SMC6: variants seen among roughly 807,000 people sequenced by gnomAD.
SMC6 encodes the protein structural maintenance of chromosomes protein 6.
A neutral mutation model predicts 142.2 loss-of-function variants in SMC6; 79 were observed. The observed-to-expected ratio is 0.56, with a 90% confidence interval of 0.46 to 0.67. SMC6 has a LOEUF of 0.67. Among genes scored for constraint, SMC6 ranks in the 30% least tolerant of loss-of-function variants. SMC6 has a pLI of 0.00. For synonymous variants in SMC6, 411 were observed against 412.4 expected (o/e 1.00, Z 0.04); for missense variants, 1,072 against 1,284.0 (o/e 0.83, Z 2.52).
intron 13 of SMC6, 83 bp downstream of exon 13, chr2:17,717,005 C>T (rs1669121012): frequency 6.6e-7 from 1 of 1,519,398 alleles, no homozygotes; most frequent in South Asian, 1.2e-5. Context: ...AACAACAATA[C>T]ATAAAATATA....
intron 8 of SMC6, among the ~76,000 whole-genome samples, chr2:17,725,940 T>C (rs1669593770): frequency 6.6e-6 from 1 of 151,676 alleles, no homozygotes. Flanking sequence ...ATACAAAAAT[T>C]AGCTAGACAT....
intron 16 of SMC6, among the ~76,000 whole-genome samples, chr2:17,713,981 A>G (rs921007110): frequency 1.3e-5 from 2 of 152,226 alleles, no homozygotes; most frequent in African/African-American, 2.4e-5. Context: ...GAGACATAGC[A>G]CTAGACTTAA....
intron 11 of SMC6, among the ~76,000 whole-genome samples, chr2:17,719,117 C>G (rs964489731): frequency 2.6e-5 from 4 of 152,166 alleles, no homozygotes; most frequent in South Asian, 2.1e-4. Flanking sequence ...ACACTTCAGG[C>G]TTTGTGGGCC....
intron 24 of SMC6, chr2:17,680,797 C>T (rs1040922663): frequency 3.3e-5 from 5 of 152,142 alleles, no homozygotes; most frequent in Admixed American, 6.5e-5. Context: ...TTGTAGAGCA[C>T]ATACAAAGTA....
At chr2:17,691,796 T>C (rs879986370) in intron 23 of SMC6, among the ~76,000 whole-genome samples, 1 of 152,156 alleles carries the variant, frequency 6.6e-6, no homozygotes, top group African/African-American at 2.4e-5. Flanking sequence ...GATGACATGA[T>C]TGTATATCTA....
intron 19 of SMC6, 116 bp downstream of exon 19, chr2:17,703,041 G>C: frequency 1.6e-6 from 1 of 608,670 alleles, no homozygotes; most frequent in Non-Finnish European, 2.7e-6. Context: ...AGTGTAAAGG[G>C]GCTTGAGGCC....
intron 23 of SMC6, among the ~76,000 whole-genome samples, chr2:17,690,684 T>C (rs1475799706): frequency 6.6e-6 from 1 of 152,038 alleles, no homozygotes; most frequent in African/African-American, 2.4e-5. Flanking sequence ...ATCTGCATAA[T>C]GTACCGAATA....
Position 17,665,438 on chromosome 2 carries a change from C to T in SMC6, c.*61G>A. On this transcript the variant is annotated 3_prime_UTR_variant, in exon 28 of 28. Transcript: ENST00000448223. Reference sequence around the variant, plus strand: ...TCTCATTTTATTATATCAAAGAGTCCAGAATTTTTTTTCCCTTCACAAATC... The same window carrying T: ...TCTCATTTTATTATATCAAAGAGTCTAGAATTTTTTTTCCCTTCACAAATC... 8.9e-7 allele frequency: 1 copy of T among 1,129,240 alleles called. No individual in the cohort carries two copies. 70.0% of individuals were successfully genotyped at this position (1,129,240 alleles called of 1,614,324 possible).
At chr2:17,684,421 G>A (rs991993778) in intron 23 of SMC6, among the ~76,000 whole-genome samples, 5 of 152,176 alleles carry the variant, frequency 3.3e-5, no homozygotes, top group Non-Finnish European at 5.9e-5. Context: ...AGATATTTAT[G>A]GGGAAAATAT....
chr2:17,723,062 C>T (rs1185530341), intron 9 of SMC6, among the ~76,000 whole-genome samples: 1 of 151,244 alleles, frequency 6.6e-6, no homozygotes, highest in African/African-American at 2.4e-5. Flanking sequence ...CCCAAACTTC[C>T]TATCTCAATA....
intron 20 of SMC6, among the ~76,000 whole-genome samples, chr2:17,700,883 G>A (rs1558345047): frequency 6.6e-6 from 1 of 151,804 alleles, no homozygotes; most frequent in South Asian, 2.1e-4. Flanking sequence ...TAAAAAATTA[G>A]CCGGGTGTGG....
chr2:17,739,278 A>G (rs6531051), intron 4 of SMC6, among the ~76,000 whole-genome samples: 80,638 of 151,686 alleles, frequency 0.53, 23,753 homozygotes, highest in African/African-American at 0.77. Flanking sequence ...GGAGGCTGAG[A>G]TGGGAGGCTC....
intron 21 of SMC6, among the ~76,000 whole-genome samples, chr2:17,698,234 T>A (rs764715457): frequency 6.6e-6 from 1 of 152,030 alleles, no homozygotes; most frequent in African/African-American, 2.4e-5. Flanking sequence ...TCTGAATACA[T>A]GAAAAATCAT....
chr2:17,692,985 G>A (rs1280368194), intron 23 of SMC6, among the ~76,000 whole-genome samples: 2 of 152,198 alleles, frequency 1.3e-5, no homozygotes, highest in Non-Finnish European at 2.9e-5. Flanking sequence ...TCAGAGAAAT[G>A]CAAATCAAAA....
intron 18 of SMC6, among the ~76,000 whole-genome samples, chr2:17,704,203 G>T (rs1450174193): frequency 6.6e-6 from 1 of 152,042 alleles, no homozygotes; most frequent in Non-Finnish European, 1.5e-5. Context: ...TCTGGGAGAA[G>T]AGATAACTGA....
chr2:17,675,628 A>G (rs1666962738), intron 25 of SMC6, among the ~76,000 whole-genome samples: 1 of 152,088 alleles, frequency 6.6e-6, no homozygotes, highest in South Asian at 2.1e-4. Flanking sequence ...ATTGAATTCT[A>G]GATATCAGTT....
chr2:17,717,578 G>A (rs1669159955), intron 12 of SMC6, among the ~76,000 whole-genome samples: 1 of 152,180 alleles, frequency 6.6e-6, no homozygotes. Flanking sequence ...GACTGAGGCA[G>A]GAAAATCGCT....
At chr2:17,729,584 C>G (rs943214311) in intron 7 of SMC6, among the ~76,000 whole-genome samples, 7 of 152,338 alleles carry the variant, frequency 4.6e-5, no homozygotes, top group Non-Finnish European at 2.9e-5. Flanking sequence ...AGGGTAAATA[C>G]AGAGTACTTA....
chr2:17,753,156 T>C (rs1671149749), intron 1 of SMC6, 92 bp from the exon 2 acceptor site: 1 of 282,496 alleles, frequency 3.5e-6, no homozygotes, highest in African/African-American at 2.3e-5. Context: ...TTCGTAAAAC[T>C]GGGCTTTAAT....
Sources: allele counts gnomAD v4.1 joint callset (sites outside exome capture counted in the v4.1 genomes callset), GRCh38; gene constraint gnomAD v4.1.1; transcripts MANE v1.5; gene names NCBI Gene and HGNC (gene_info 2026-07-23, HGNC 2026-07-21).